NBEA: variants seen among roughly 807,000 people sequenced by gnomAD.
NBEA encodes lysosomal-trafficking regulator 2.
A neutral mutation model predicts 343.4 loss-of-function variants in NBEA; 44 were observed. That is an observed-to-expected ratio of 0.13 (90% CI 0.10 to 0.16). The LOEUF (loss-of-function observed/expected upper bound fraction) is 0.16, where lower values mean the gene tolerates loss of function less well. Ranked by LOEUF, NBEA falls within the 10% of genes least tolerant of loss-of-function variation. The probability of loss-of-function intolerance (pLI) is 1.00; values close to 1 mark genes in which losing one functional copy is unlikely to be tolerated. For missense variants in NBEA, 2,555 were observed against 3,631.3 expected, an observed-to-expected ratio of 0.70 and a Z score of 7.62; for synonymous variants, 1,175 against 1,238.7, an observed-to-expected ratio of 0.95 and a Z score of 1.08.
intron 53 of NBEA, 49 bp downstream of exon 53, chr13:35,651,925 C>CT: frequency 1.0e-6 from 1 of 978,358 alleles, no homozygotes. Flanking sequence ...TCCATATATT[C>CT]ATATATAGTT....
rs187575116 is a variant in NBEA at position 35,665,636 on chromosome 13, T to C, written c.8464+450T>C. Among the ~76,000 whole-genome samples, 12 of 152,178 alleles carry C rather than the reference T, an allele frequency of 7.9e-5. No homozygotes were observed. In the East Asian group the frequency reaches 1.9e-3, roughly 25 times the overall value. ...TACTTGGTTCTTTGGAGGTTTTGTT[T>C]TGTTTTTGAGGCATACCTTCACTCT... On this transcript the variant is annotated intron_variant, in intron 56 of 58. Coordinates refer to ENST00000379939, the MANE Select transcript of NBEA (RefSeq NM_001385012.1).
intron 18 of NBEA, among the ~76,000 whole-genome samples, chr13:35,151,993 C>T (rs1372463315): frequency 6.6e-6 from 1 of 152,030 alleles, no homozygotes; most frequent in Non-Finnish European, 1.5e-5. Flanking sequence ...ATGTTTAATA[C>T]ACTTGTAAAT....
At chr13:35,017,743 C>G (rs1222582229) in intron 1 of NBEA, among the ~76,000 whole-genome samples, 1 of 151,960 alleles carries the variant, frequency 6.6e-6, no homozygotes, top group Non-Finnish European at 1.5e-5. Flanking sequence ...TTTCTTCAGG[C>G]TCCGGTTTGT....
At chr13:35,304,161 C>G (rs1331578229) in intron 35 of NBEA, among the ~76,000 whole-genome samples, 2 of 152,158 alleles carry the variant, frequency 1.3e-5, no homozygotes, top group Non-Finnish European at 2.9e-5. Context: ...GACAAGAAGA[C>G]TTCTGCCACC....
intron 18 of NBEA, among the ~76,000 whole-genome samples, chr13:35,150,879 G>T (rs961034170): frequency 9.2e-5 from 14 of 151,370 alleles, no homozygotes; most frequent in Non-Finnish European, 4.4e-5. Context: ...ACTTTGGAAG[G>T]CTGAGGTGGG....
chr13:35,391,680 T>C (rs2042508349), intron 38 of NBEA, among the ~76,000 whole-genome samples: 1 of 152,164 alleles, frequency 6.6e-6, no homozygotes, highest in Non-Finnish European at 1.5e-5. Context: ...ATAAGAATAT[T>C]GGAAACATGG....
chr13:35,641,516 C>T (rs532528112), intron 49 of NBEA, among the ~76,000 whole-genome samples: 1 of 152,266 alleles, frequency 6.6e-6, no homozygotes, highest in Admixed American at 6.5e-5. Flanking sequence ...ACTACCGATA[C>T]ATACAACAAG....
At chr13:35,192,514 A>G (rs928280306) in intron 30 of NBEA, among the ~76,000 whole-genome samples, 9 of 151,982 alleles carry the variant, frequency 5.9e-5, no homozygotes, top group Middle Eastern at 3.2e-3. Flanking sequence ...TTTTGAAATC[A>G]TTCTTTTATC....
chr13:35,552,315 C>T (rs1376133352), intron 43 of NBEA, among the ~76,000 whole-genome samples: 2 of 152,122 alleles, frequency 1.3e-5, no homozygotes, highest in Non-Finnish European at 2.9e-5. Context: ...CTGGGGTTAC[C>T]TTGTATTGCA....
rs1356980649 is a variant in NBEA, at chr13:34,985,123, C to G, written c.294+42009C>G. On this transcript the variant is annotated intron_variant, in intron 1 of 58. Transcript: ENST00000379939. ...GGCATCCTTGTCTTGTGCCAGTTTT[C>G]AAAAGGAATGCTTCAAGTTTTTGCC... Among the ~76,000 whole-genome samples the G allele has an allele frequency of 2.6e-5, 4 of 151,040 alleles. 1 individual carries two copies. Among genetic ancestry groups the G allele is most frequent in the Non-Finnish European group, 5.9e-5 (4 of 67,480 alleles).
chr13:35,458,202 C>A (rs929961492), intron 40 of NBEA, among the ~76,000 whole-genome samples: 1 of 152,174 alleles, frequency 6.6e-6, no homozygotes, highest in Non-Finnish European at 1.5e-5. Context: ...GTTTCAATTT[C>A]TCCATATCCT....
chr13:35,368,864 C>A (rs1462143818), intron 38 of NBEA, among the ~76,000 whole-genome samples: 1 of 151,580 alleles, frequency 6.6e-6, no homozygotes, highest in Non-Finnish European at 1.5e-5. Context: ...TACCTAAAAT[C>A]TAATATATAT....
chr13:34,997,704 T>G (rs143656696), intron 1 of NBEA, among the ~76,000 whole-genome samples: 5 of 152,360 alleles, frequency 3.3e-5, no homozygotes, highest in African/African-American at 1.2e-4. Context: ...CCTTTTAAGA[T>G]TCTCACTTTT....
chr13:35,137,308 G>T (rs1409445305), intron 17 of NBEA, among the ~76,000 whole-genome samples: 1 of 152,032 alleles, frequency 6.6e-6, no homozygotes, highest in Non-Finnish European at 1.5e-5. Flanking sequence ...CAATTAGCTG[G>T]GTGTGGTGGC....
chr13:35,192,371 TG>T (rs2072266485), intron 30 of NBEA, among the ~76,000 whole-genome samples: 1 of 152,036 alleles, frequency 6.6e-6, no homozygotes. Flanking sequence ...ACTACTGATC[TG>T]TTTTTTTATT....
intron 34 of NBEA, among the ~76,000 whole-genome samples, chr13:35,240,525 T>G (rs2030067115): frequency 6.6e-6 from 1 of 151,928 alleles, no homozygotes; most frequent in African/African-American, 2.4e-5. Context: ...ACGTGTTGAA[T>G]TATACCATGG....
chr13:35,013,616 G>A (rs1466450719), intron 1 of NBEA, among the ~76,000 whole-genome samples: 1 of 151,846 alleles, frequency 6.6e-6, no homozygotes, highest in Non-Finnish European at 1.5e-5. Flanking sequence ...GTACAGGTGT[G>A]TGCCACCATG....
At chr13:35,004,738 CATG>C (rs534730080) in intron 1 of NBEA, among the ~76,000 whole-genome samples, 15 of 152,228 alleles carry the variant, frequency 9.9e-5, no homozygotes, top group Admixed American at 4.6e-4. Flanking sequence ...TGGTATATGA[CATG>C]ATGAAGATGA....
chr13:35,407,888 C>A (rs1412677652), intron 38 of NBEA, among the ~76,000 whole-genome samples: 1 of 152,140 alleles, frequency 6.6e-6, no homozygotes, highest in East Asian at 1.9e-4. Flanking sequence ...AAAAACATTC[C>A]ATGCTCATGG....
Sources: allele counts gnomAD v4.1 joint callset (sites outside exome capture counted in the v4.1 genomes callset), GRCh38; gene constraint gnomAD v4.1.1; transcripts MANE v1.5; gene names NCBI Gene and HGNC (gene_info 2026-07-23, HGNC 2026-07-21).